The following MDGA2 variants were observed in gnomAD, a reference collection of about 807,000 sequenced individuals.
MDGA2 encodes MAM domain-containing glycosylphosphatidylinositol anchor protein 2.
MDGA2 carries 40 observed loss-of-function variants against 117.8 expected under a neutral mutation model. That is an observed-to-expected ratio of 0.34 (90% CI 0.26 to 0.44). MDGA2 has a LOEUF of 0.44. MDGA2 is among the 20% of genes least tolerant of loss of function. The pLI, the probability that MDGA2 is intolerant of heterozygous loss-of-function variation, is 1.00. For synonymous variants in MDGA2, 452 were observed against 439.0 expected (o/e 1.03, Z -0.37); for missense variants, 1,123 against 1,250.6 (o/e 0.90, Z 1.54).
chr14:47,566,252 T>A (rs938937189), intron 1 of MDGA2, among the ~76,000 whole-genome samples: 1 of 152,154 alleles, frequency 6.6e-6, no homozygotes, highest in Non-Finnish European at 1.5e-5. Context: ...GGTCTGCTAG[T>A]ACAGGAGCTA....
At chr14:47,457,469 T>C (rs1022190940) in intron 1 of MDGA2, among the ~76,000 whole-genome samples, 2 of 152,202 alleles carry the variant, frequency 1.3e-5, no homozygotes, top group African/African-American at 4.8e-5. Flanking sequence ...TTCAAGACGC[T>C]ATGTGGTAAG....
At chr14:46,844,473 C>A (rs746568111) in intron 16 of MDGA2, among the ~76,000 whole-genome samples, 1 of 151,946 alleles carries the variant, frequency 6.6e-6, no homozygotes, top group East Asian at 1.9e-4. Flanking sequence ...CCCAGCTACT[C>A]AGGAGGCTGA....
At chr14:47,418,620 A>G (rs1415141793) in intron 1 of MDGA2, among the ~76,000 whole-genome samples, 3 of 152,150 alleles carry the variant, frequency 2.0e-5, no homozygotes, top group African/African-American at 7.2e-5. Context: ...CCCCTTGTCA[A>G]ACTGAGAGTT....
chr14:47,594,572 T>A (rs1896500499), intron 1 of MDGA2, among the ~76,000 whole-genome samples: 1 of 152,222 alleles, frequency 6.6e-6, no homozygotes, highest in African/African-American at 2.4e-5. Context: ...GGTCCAGTGC[T>A]CCTCAAAAGT....
In MDGA2 at chr14:46,957,467, C is replaced by A. The variant is rs199671129; in HGVS notation, c.1996G>T (p.Ala666Ser). ...QFDSQEYTEYAVKSLSNENYG... is the reference protein window; with the variant it reads ...QFDSQEYTEYSVKSLSNENYG... ...TTTTCATTGGAAAGACTCTTCACAG[C>A]GTACTCTGTGTATTCCTGAGAGTCA... Residue 666 changes from alanine (A) to serine (S), a missense_variant, in exon 9 of 17, where the codon GCT (alanine) becomes TCT (serine). Ala to Ser is a moderately conservative substitution (Grantham distance 99, BLOSUM62 1). This residue lies in a region of MDGA2 where 890 missense variants were observed against 1,050.3 expected (regional missense o/e 0.85). Coordinates refer to ENST00000399232, the MANE Select transcript of MDGA2 (RefSeq NM_001113498.3). 3.1e-6 allele frequency: 5 copies of A among 1,614,058 alleles called. No individual in the cohort carries two copies. Among genetic ancestry groups the A allele is most frequent in the Non-Finnish European group, 4.2e-6 (5 of 1,179,966 alleles).
chr14:47,111,766 G>A (rs1881050681), intron 5 of MDGA2, among the ~76,000 whole-genome samples: 2 of 152,196 alleles, frequency 1.3e-5, no homozygotes, highest in South Asian at 4.1e-4. Flanking sequence ...CAAGAAAAGA[G>A]TGAAAGAAAC....
chr14:47,289,308 C>CACACACACAT (rs757160714), intron 2 of MDGA2, among the ~76,000 whole-genome samples: 1 of 80,664 alleles, frequency 1.2e-5, no homozygotes, highest in African/African-American at 3.6e-5. Flanking sequence ...TGGACTTACA[C>CACACACACAT]ACACACACAC....
chr14:47,306,996 A>G (rs887963689), intron 1 of MDGA2, among the ~76,000 whole-genome samples: 1 of 152,184 alleles, frequency 6.6e-6, no homozygotes, highest in Non-Finnish European at 1.5e-5. Context: ...AGCAAACATA[A>G]CAATAATCAA....
chr14:46,867,792 G>A (rs1881834750), intron 14 of MDGA2, among the ~76,000 whole-genome samples: 1 of 151,912 alleles, frequency 6.6e-6, no homozygotes, highest in Non-Finnish European at 1.5e-5. Flanking sequence ...TTACTCAAGT[G>A]TACTTTTATA....
chr14:46,988,483 C>T (rs752114992), intron 8 of MDGA2, among the ~76,000 whole-genome samples: 30 of 152,128 alleles, frequency 2.0e-4, no homozygotes, highest in African/African-American at 6.3e-4. Flanking sequence ...AAGCTGCTGA[C>T]GTGGGGCATG....
rs371342728 is a variant in MDGA2 at position 46,876,034 on chromosome 14, T to A, written c.2437+1455A>T. Among the ~76,000 whole-genome samples, 5 of 151,664 alleles carry A rather than the reference T, an allele frequency of 3.3e-5. 1 individual carries two copies. The highest frequency in any genetic ancestry group is 7.2e-5 in the African/African-American group (3 of 41,524). On this transcript the variant is annotated intron_variant, in intron 12 of 16. Transcript: ENST00000399232. The stretch of plus-strand genomic sequence containing the variant: ...CTTTCATAGTAAAATTAAGCAATAA[T>A]GCAGCTTATGAAAACTACAAAAAAT...
chr14:47,220,355 T>C (rs1314486688), intron 2 of MDGA2, among the ~76,000 whole-genome samples: 1 of 152,202 alleles, frequency 6.6e-6, no homozygotes, highest in Non-Finnish European at 1.5e-5. Flanking sequence ...CTCCCTAATG[T>C]TGTCTTTCCT....
At chr14:47,445,854 C>T (rs985032106) in intron 1 of MDGA2, among the ~76,000 whole-genome samples, 1 of 152,090 alleles carries the variant, frequency 6.6e-6, no homozygotes, top group African/African-American at 2.4e-5. Context: ...ACAGAAAAAG[C>T]AAACCAATGA....
At chr14:46,961,439 GTTC>G (rs973874441) in intron 8 of MDGA2, among the ~76,000 whole-genome samples, 6 of 151,998 alleles carry the variant, frequency 3.9e-5, no homozygotes, top group African/African-American at 1.2e-4. Flanking sequence ...AGCTAATTCA[GTTC>G]TTAATTCTTT....
chr14:47,357,826 T>C (rs905788648), intron 1 of MDGA2, among the ~76,000 whole-genome samples: 1 of 152,128 alleles, frequency 6.6e-6, no homozygotes, highest in Non-Finnish European at 1.5e-5. Context: ...ACCCCAAAAC[T>C]TACTTGAACT....
chr14:46,922,700 C>T (rs1467448150), intron 9 of MDGA2, among the ~76,000 whole-genome samples: 1 of 152,120 alleles, frequency 6.6e-6, no homozygotes, highest in East Asian at 1.9e-4. Context: ...TTTAAAGAGG[C>T]TGAAATTTCT....
At chr14:46,949,803 G>A (rs1053421962) in intron 9 of MDGA2, among the ~76,000 whole-genome samples, 2 of 151,830 alleles carry the variant, frequency 1.3e-5, no homozygotes, top group Non-Finnish European at 2.9e-5. Flanking sequence ...AAATAGTGCT[G>A]CAATAAACAT....
intron 1 of MDGA2, among the ~76,000 whole-genome samples, chr14:47,609,263 T>C (rs1896795091): frequency 3.3e-5 from 5 of 150,580 alleles, no homozygotes; most frequent in Admixed American, 3.3e-4. Flanking sequence ...ATCATTCTTA[T>C]GCTTTTGCGT....
At chr14:46,938,539 T>TA (rs1884870063) in intron 9 of MDGA2, among the ~76,000 whole-genome samples, 2 of 12,754 alleles carry the variant, frequency 1.6e-4, no homozygotes, top group East Asian at 1.3e-3. Flanking sequence ...AAAATCCATC[T>TA]CAAAAAAAAA....
Sources: allele counts gnomAD v4.1 joint callset (sites outside exome capture counted in the v4.1 genomes callset), GRCh38; gene constraint gnomAD v4.1.1; regional missense constraint gnomAD v4.1.1; transcripts MANE v1.5; gene names NCBI Gene and HGNC (gene_info 2026-07-23, HGNC 2026-07-21).